Variants in SND1 observed in about 807,000 individuals in gnomAD.
SND1 encodes staphylococcal nuclease domain-containing protein 1.
A neutral mutation model predicts 121.7 loss-of-function variants in SND1; 38 were observed. The observed-to-expected ratio is 0.31, with a 90% CI of 0.24 to 0.41. The LOEUF (loss-of-function observed/expected upper bound fraction) is 0.41. Among genes scored for constraint, SND1 ranks in the 10% least tolerant of loss-of-function variants. The probability of loss-of-function intolerance (pLI) is 1.00; values close to 1 mark genes in which losing one functional copy is unlikely to be tolerated. For missense variants in SND1, 868 were observed against 1,184.6 expected (o/e 0.73, Z 3.92); for synonymous variants, 401 against 447.4 (o/e 0.90, Z 1.31).
chr7:128,016,151 T>TC (rs1246054949), intron 16 of SND1, among the ~76,000 whole-genome samples: 1 of 150,458 alleles, frequency 6.6e-6, no homozygotes, highest in Non-Finnish European at 1.5e-5. Flanking sequence ...CTTCCTTTTT[T>TC]TTTTTTTTTT....
chr7:127,893,993 C>T (rs990189266), intron 13 of SND1, among the ~76,000 whole-genome samples: 2 of 152,100 alleles, frequency 1.3e-5, no homozygotes, highest in Non-Finnish European at 2.9e-5. Flanking sequence ...GCAGTGCCCT[C>T]ATATTTTAGG....
chr7:128,037,898 A>G (rs1037261279), intron 16 of SND1, among the ~76,000 whole-genome samples: 2 of 152,250 alleles, frequency 1.3e-5, no homozygotes, highest in Admixed American at 6.5e-5. Flanking sequence ...TCCCAAAGAT[A>G]TTGGAACACT....
intron 12 of SND1, among the ~76,000 whole-genome samples, chr7:127,886,666 A>G (rs1799914473): frequency 6.6e-6 from 1 of 151,990 alleles, no homozygotes; most frequent in Non-Finnish European, 1.5e-5. Flanking sequence ...ATTTTTGAAA[A>G]TTTGTTTTTG....
chr7:127,745,852 G>A (rs1796972122), intron 10 of SND1, among the ~76,000 whole-genome samples: 1 of 152,178 alleles, frequency 6.6e-6, no homozygotes, highest in Non-Finnish European at 1.5e-5. Flanking sequence ...AATAGTCCTG[G>A]GTGGCCTGGG....
intron 13 of SND1, among the ~76,000 whole-genome samples, chr7:127,893,064 T>G (rs1800041390): frequency 6.6e-6 from 1 of 152,168 alleles, no homozygotes; most frequent in South Asian, 2.1e-4. Context: ...TTTTAACTTC[T>G]TCAGGGAATA....
intron 16 of SND1, among the ~76,000 whole-genome samples, chr7:128,049,070 A>G (rs1793002088): frequency 6.6e-6 from 1 of 152,210 alleles, no homozygotes; most frequent in Non-Finnish European, 1.5e-5. Flanking sequence ...AAATGGGGCC[A>G]GAACCTTTCC....
At chr7:127,901,325 C>T (rs912385723) in intron 13 of SND1, among the ~76,000 whole-genome samples, 27 of 152,272 alleles carry the variant, frequency 1.8e-4, no homozygotes, top group African/African-American at 6.5e-4. Context: ...CAGGCCTCCC[C>T]TCTTGGAATT....
intron 3 of SND1, 116 bp downstream of exon 3, chr7:127,695,064 C>A: frequency 1.6e-6 from 2 of 1,258,334 alleles, no homozygotes; most frequent in South Asian, 1.5e-5. Context: ...GGACAGTTGG[C>A]TGAAGGCATA....
intron 1 of SND1, among the ~76,000 whole-genome samples, chr7:127,655,651 G>T (rs548232271): frequency 1.3e-5 from 2 of 152,238 alleles, no homozygotes; most frequent in South Asian, 2.1e-4. Context: ...TTAAAATCTG[G>T]GTTTCTTTGA....
chr7:127,926,720 T>TTTGTTGTTGTTG (rs57562959), intron 14 of SND1, among the ~76,000 whole-genome samples: 84 of 142,850 alleles, frequency 5.9e-4, no homozygotes, highest in African/African-American at 1.5e-3. Context: ...ACCCGGCTAT[T>TTTGTTGTTGTTG]TTGTTGTTGT....
At chr7:127,921,664 A>G (rs898937336) in intron 14 of SND1, among the ~76,000 whole-genome samples, 2 of 152,196 alleles carry the variant, frequency 1.3e-5, no homozygotes, top group African/African-American at 4.8e-5. Flanking sequence ...AGAAACGTAT[A>G]TTTATGAAAT....
At chr7:127,818,291 G>A (rs1353191420) in intron 11 of SND1, among the ~76,000 whole-genome samples, 1 of 152,168 alleles carries the variant, frequency 6.6e-6, no homozygotes, top group Non-Finnish European at 1.5e-5. Flanking sequence ...GTTGCCTAGT[G>A]TGAAGTCTTC....
chr7:127,907,042 A>G (rs1252411469), intron 14 of SND1, among the ~76,000 whole-genome samples: 2 of 152,166 alleles, frequency 1.3e-5, no homozygotes, highest in Non-Finnish European at 2.9e-5. Flanking sequence ...ATAAATGCCA[A>G]TTAAATTTCT....
intron 11 of SND1, among the ~76,000 whole-genome samples, chr7:127,837,321 C>CA: frequency 6.6e-6 from 1 of 152,044 alleles, no homozygotes; most frequent in African/African-American, 2.4e-5. Context: ...AGATTTAATA[C>CA]AAAAAAAGAT....
chr7:127,810,076 A>G (rs542938053), intron 11 of SND1, among the ~76,000 whole-genome samples: 1 of 152,172 alleles, frequency 6.6e-6, no homozygotes, highest in Admixed American at 6.5e-5. Flanking sequence ...TTTATATAGA[A>G]TCTTTCATAG....
chr7:127,998,395 G>A (rs1401967944), intron 16 of SND1: 1 of 164,078 alleles, frequency 6.1e-6, no homozygotes, highest in Non-Finnish European at 1.4e-5. Context: ...AAGGTAATGA[G>A]ATAATGATGA....
intron 16 of SND1, among the ~76,000 whole-genome samples, chr7:128,031,312 C>G (rs2116988562): frequency 6.7e-6 from 1 of 148,174 alleles, no homozygotes; most frequent in South Asian, 2.4e-4. Context: ...GGCCCCGGCC[C>G]GCTCTGCGGG....
At chr7:127,837,613 A>G (rs774528573) in intron 11 of SND1, among the ~76,000 whole-genome samples, 2 of 152,236 alleles carry the variant, frequency 1.3e-5, no homozygotes, top group Admixed American at 1.3e-4. Flanking sequence ...AGCTCAGAGC[A>G]TGCCCAGAGG....
At chr7:127,775,134 A>G (rs1797592522) in intron 10 of SND1, among the ~76,000 whole-genome samples, 1 of 152,224 alleles carries the variant, frequency 6.6e-6, no homozygotes, top group Non-Finnish European at 1.5e-5. Context: ...CTGTAAGCCA[A>G]GGAATACTAG....
Sources: allele counts gnomAD v4.1 joint callset (sites outside exome capture counted in the v4.1 genomes callset), GRCh38; gene constraint gnomAD v4.1.1; transcripts MANE v1.5; gene names NCBI Gene and HGNC (gene_info 2026-07-23, HGNC 2026-07-21).